SULT4A1: variants seen among roughly 807,000 people sequenced by gnomAD.
SULT4A1 encodes the protein sulfotransferase family 4A member 1, also known as sulfotransferase 4A1.
A neutral mutation model predicts 35.2 loss-of-function variants in SULT4A1; 11 were observed. The observed-to-expected ratio is 0.31, with a 90% CI of 0.20 to 0.52. SULT4A1 has a LOEUF of 0.52. SULT4A1 is among the 20% of genes least tolerant of loss of function. SULT4A1 has a pLI of 0.97. For missense variants in SULT4A1, 271 were observed against 383.7 expected, an observed-to-expected ratio of 0.71 and a Z score of 2.45; for synonymous variants, 152 against 151.8, an observed-to-expected ratio of 1.00 and a Z score of -0.01.
At chr22:43,829,948 G>A (rs1032095893) in intron 5 of SULT4A1, among the ~76,000 whole-genome samples, 7 of 152,232 alleles carry the variant, frequency 4.6e-5, no homozygotes, top group African/African-American at 1.7e-4. Context: ...ACAGTGAAAA[G>A]ATGATTTAAT....
At chr22:43,844,631 C>G (rs1334000143) in intron 1 of SULT4A1, among the ~76,000 whole-genome samples, 5 of 152,244 alleles carry the variant, frequency 3.3e-5, no homozygotes, top group East Asian at 1.9e-4. Context: ...CTCTGCACAC[C>G]TGGTGCGGGG....
At chr22:43,853,309 T>G (rs922437423) in intron 1 of SULT4A1, among the ~76,000 whole-genome samples, 1 of 152,160 alleles carries the variant, frequency 6.6e-6, no homozygotes, top group African/African-American at 2.4e-5. Context: ...CTAGCTACGA[T>G]CAAGCAAGGG....
intron 1 of SULT4A1, among the ~76,000 whole-genome samples, chr22:43,853,361 G>A (rs1421158237): frequency 6.6e-6 from 1 of 152,234 alleles, no homozygotes; most frequent in African/African-American, 2.4e-5. Context: ...CTCCACCCAT[G>A]ACAGTGGCAG....
intron 1 of SULT4A1, among the ~76,000 whole-genome samples, chr22:43,851,880 G>A (rs895151613): frequency 1.3e-5 from 2 of 152,094 alleles, no homozygotes; most frequent in African/African-American, 2.4e-5. Flanking sequence ...GCTGGAATTC[G>A]TTCCCACCTG....
intron 5 of SULT4A1, among the ~76,000 whole-genome samples, chr22:43,830,507 G>A (rs1191793505): frequency 2.0e-5 from 3 of 152,190 alleles, no homozygotes; most frequent in South Asian, 2.1e-4. Context: ...TGGCAGGAAC[G>A]GCCCACTTCA....
chr22:43,844,128 A>C (rs2063456263), intron 1 of SULT4A1, among the ~76,000 whole-genome samples: 1 of 151,870 alleles, frequency 6.6e-6, no homozygotes, highest in South Asian at 2.1e-4. Context: ...CTCTGTGTTG[A>C]CTCTTGTGTG....
At chr22:43,847,421 G>A (rs1453858186) in intron 1 of SULT4A1, among the ~76,000 whole-genome samples, 3 of 152,240 alleles carry the variant, frequency 2.0e-5, no homozygotes, top group Admixed American at 2.0e-4. Flanking sequence ...ACGCCAAGCT[G>A]TGGCACCCAG....
At chr22:43,838,650 T>G (rs1336528354) in intron 4 of SULT4A1, among the ~76,000 whole-genome samples, 1 of 152,222 alleles carries the variant, frequency 6.6e-6, no homozygotes, top group Non-Finnish European at 1.5e-5. Flanking sequence ...GGCTCTGGGT[T>G]CAGATGGACC....
At chr22:43,847,340 T>C (rs2063483233) in intron 1 of SULT4A1, among the ~76,000 whole-genome samples, 1 of 152,218 alleles carries the variant, frequency 6.6e-6, no homozygotes, top group South Asian at 2.1e-4. Flanking sequence ...CAGGCACACT[T>C]CTAAGCACTT....
chr22:43,837,502 C>T (rs575885825), intron 4 of SULT4A1, among the ~76,000 whole-genome samples: 1 of 152,268 alleles, frequency 6.6e-6, no homozygotes, highest in East Asian at 1.9e-4. Flanking sequence ...AGAGCAGGTG[C>T]CAGGGCCAAG....
At chr22:43,831,658 A>C (rs1217408547) in intron 5 of SULT4A1, among the ~76,000 whole-genome samples, 1 of 152,260 alleles carries the variant, frequency 6.6e-6, no homozygotes, top group African/African-American at 2.4e-5. Flanking sequence ...CGCGCCACGC[A>C]GGTGGAGGAG....
At chr22:43,842,640 A>AC (rs2063443292) in intron 1 of SULT4A1, among the ~76,000 whole-genome samples, 1 of 152,210 alleles carries the variant, frequency 6.6e-6, no homozygotes, top group African/African-American at 2.4e-5. Flanking sequence ...ACAGGATGTG[A>AC]CGGAGTCCTC....
chr22:43,859,240 A>G (rs2049438293), intron 1 of SULT4A1, among the ~76,000 whole-genome samples: 1 of 152,214 alleles, frequency 6.6e-6, no homozygotes, highest in Non-Finnish European at 1.5e-5. Flanking sequence ...CTGAAAATGT[A>G]AGACTTAAAT....
intron 4 of SULT4A1, among the ~76,000 whole-genome samples, chr22:43,836,932 G>A (rs563281599): frequency 3.9e-5 from 6 of 152,178 alleles, no homozygotes; most frequent in South Asian, 2.1e-4. Context: ...AGCCTGTCAC[G>A]GGGCATCCTC....
intron 4 of SULT4A1, among the ~76,000 whole-genome samples, chr22:43,835,944 C>T (rs1184021910): frequency 6.6e-6 from 1 of 152,234 alleles, no homozygotes; most frequent in African/African-American, 2.4e-5. Flanking sequence ...GCCTTCCCAC[C>T]GGAATGCCTG....
chr22:43,828,722 G>C (rs2063305397), intron 6 of SULT4A1: 1 of 274,456 alleles, frequency 3.6e-6, no homozygotes, highest in Non-Finnish European at 6.8e-6. Context: ...CCAGTCCCTG[G>C]ATCTGCTCTG....
At chr22:43,842,038 G>A in intron 1 of SULT4A1, 106 bp from the exon 2 acceptor site, 1 of 1,465,504 alleles carries the variant, frequency 6.8e-7, no homozygotes, top group Non-Finnish European at 9.0e-7. Flanking sequence ...AGAGCCCCAG[G>A]TGGGGCCCAG....
intron 6 of SULT4A1, 94 bp from the exon 7 acceptor site, chr22:43,826,207 G>A (rs2063285884): frequency 6.4e-7 from 1 of 1,560,140 alleles, no homozygotes; most frequent in East Asian, 2.3e-5. Context: ...GAACATTCCA[G>A]ATCTATTCCT....
chr22:43,845,951 C>T (rs1334280114), intron 1 of SULT4A1, among the ~76,000 whole-genome samples: 1 of 152,200 alleles, frequency 6.6e-6, no homozygotes. Context: ...AAAACCACTC[C>T]CTGGTGCCAA....
Sources: gnomAD v4.1 joint callset for allele counts (sites outside exome capture counted in the v4.1 genomes callset) on GRCh38, gnomAD v4.1.1 for gene constraint, MANE v1.5 for transcripts, NCBI Gene and HGNC (gene_info 2026-07-23, HGNC 2026-07-21) for gene names.